Variants in RSPH3 observed in about 807,000 individuals in gnomAD.
The protein encoded by RSPH3 is radial spoke head 3, also known as radial spoke head protein 3 homolog.
A neutral mutation model predicts 43.8 loss-of-function variants in RSPH3; 21 were observed. The observed-to-expected ratio is 0.48, with a 90% confidence interval of 0.34 to 0.69. RSPH3 has a LOEUF of 0.69. Ranked by LOEUF, RSPH3 falls within the 30% of genes least tolerant of loss-of-function variation. The probability of loss-of-function intolerance (pLI) is 0.01; values close to 1 mark genes in which losing one functional copy is unlikely to be tolerated. For synonymous variants in RSPH3, 173 were observed against 179.8 expected, an observed-to-expected ratio of 0.96 and a Z score of 0.30; for missense variants, 487 against 516.0, an observed-to-expected ratio of 0.94 and a Z score of 0.54.
At chr6:158,967,463 T>C in the RSPH3 span, among the ~76,000 whole-genome samples, 6 of 152,226 alleles carry the variant, frequency 3.9e-5, no homozygotes, top group East Asian at 1.9e-4. Flanking sequence ...TTGGAGAACA[T>C]ACATTGTGCA....
rs1396073243 is a variant in RSPH3, at chr6:158,977,225, C to T, written c.*313G>A. The T allele has an allele frequency of 3.6e-6, 1 of 274,616 alleles. No homozygotes were observed. The highest frequency in any genetic ancestry group is 6.7e-6 in the Non-Finnish European group (1 of 148,226). 17.0% of individuals were successfully genotyped at this position (274,616 alleles called of 1,614,324 possible). A position where few individuals can be genotyped will look rare whatever the true frequency, so the allele number is the denominator to read the frequency against. On this transcript the variant is annotated 3_prime_UTR_variant, in exon 8 of 8. Coordinates refer to ENST00000367069, the MANE Select transcript of RSPH3 (RefSeq NM_031924.8). ...TATCATACTTACTAAAAAAAACTAA[C>T]CCGCAAAATTAGAAGGGCTAAGGAA...
chr6:158,981,703 C>T (rs766844681), intron 5 of RSPH3, among the ~76,000 whole-genome samples: 9 of 152,016 alleles, frequency 5.9e-5, no homozygotes, highest in Non-Finnish European at 1.2e-4. Context: ...GAATTAAAGT[C>T]CATTTGATAG....
chr6:158,993,210 T>C (rs6929297), intron 2 of RSPH3, among the ~76,000 whole-genome samples: 34,133 of 151,804 alleles, frequency 0.22, 5,398 homozygotes, highest in East Asian at 0.42. Context: ...TTCTGCCTCC[T>C]GGGTTCAAGC....
At chr6:158,993,557 T>G (rs1778489052) in intron 2 of RSPH3, among the ~76,000 whole-genome samples, 1 of 151,978 alleles carries the variant, frequency 6.6e-6, no homozygotes, top group Non-Finnish European at 1.5e-5. Context: ...GTTCTATCAC[T>G]GTCACCATCC....
chr6:158,965,334 T>C, the RSPH3 span, among the ~76,000 whole-genome samples: 2 of 152,138 alleles, frequency 1.3e-5, no homozygotes, highest in African/African-American at 4.8e-5. Flanking sequence ...TGTTGGGATT[T>C]TGATTGGTAT....
intron 2 of RSPH3, among the ~76,000 whole-genome samples, chr6:158,987,809 A>C (rs1427442339): frequency 6.6e-6 from 1 of 152,168 alleles, no homozygotes; most frequent in African/African-American, 2.4e-5. Context: ...ACATATTTTT[A>C]TATCACCTAC....
At chr6:158,963,420 C>A in the RSPH3 span, among the ~76,000 whole-genome samples, 1 of 96,748 alleles carries the variant, frequency 1.0e-5, no homozygotes, top group Non-Finnish European at 2.0e-5. Flanking sequence ...CCTCCTTCCC[C>A]CTTCCCTTCC....
rs190966805 is a variant in RSPH3 at position 158,979,885 on chromosome 6, A to T, written c.859+889T>A. On this transcript the variant is annotated intron_variant, in intron 6 of 7. Coordinates refer to ENST00000367069, the MANE Select transcript of RSPH3 (RefSeq NM_031924.8). ...AGCTAGGAACGTGGACTTTGAGGGG[A>T]TACAGACAGACAGCTATCAGGCTAT... is the stretch of plus-strand genomic sequence containing the variant. Among the ~76,000 whole-genome samples, 4 of 152,194 alleles carry T rather than the reference A, an allele frequency of 2.6e-5. No homozygotes were observed. In the East Asian group the frequency reaches 7.7e-4, roughly 29 times the overall value.
chr6:158,985,704 C>CCG (rs1210150538), intron 3 of RSPH3, among the ~76,000 whole-genome samples: 1 of 151,884 alleles, frequency 6.6e-6, no homozygotes, highest in Non-Finnish European at 1.5e-5. Context: ...TGTGAGCCAC[C>CCG]GTGCTTGGCC....
chr6:158,972,069 A>C (rs2235824), downstream of RSPH3, among the ~76,000 whole-genome samples: 17,245 of 152,188 alleles, frequency 0.11, 1,711 homozygotes, highest in East Asian at 0.41. Flanking sequence ...ATATGGCAAT[A>C]AAATCATTTT....
rs995608710 is a variant in RSPH3, at chr6:159,000,079, G to C, written c.-529C>G. On this transcript the variant is annotated 5_prime_UTR_variant, in exon 1 of 8. Coordinates refer to ENST00000367069, the MANE Select transcript of RSPH3 (RefSeq NM_031924.8). ...CATTCTCGCAGGCCCACGTGCTCCT[G>C]CTCTTCCAGGGTGTCCTCGGCTGTT... The C allele has an allele frequency of 8.4e-5, 103 of 1,227,980 alleles. 1 individual carries two copies. The highest frequency in any genetic ancestry group is 1.1e-4 in the Non-Finnish European group (102 of 898,130). 76.1% of individuals were successfully genotyped at this position (1,227,980 alleles called of 1,614,324 possible).
At chr6:158,983,446 A>G (rs969783488) in intron 4 of RSPH3, among the ~76,000 whole-genome samples, 18 of 152,246 alleles carry the variant, frequency 1.2e-4, no homozygotes, top group African/African-American at 4.1e-4. Context: ...AATATTTCAA[A>G]TGATTTTGTT....
chr6:158,966,239 A>G, the RSPH3 span, among the ~76,000 whole-genome samples: 3 of 152,122 alleles, frequency 2.0e-5, no homozygotes, highest in East Asian at 3.9e-4. Context: ...TCAGTTTGCT[A>G]GTATTTCACT....
chr6:158,987,188 A>G (rs1778261548), intron 2 of RSPH3, among the ~76,000 whole-genome samples: 1 of 152,164 alleles, frequency 6.6e-6, no homozygotes, highest in Non-Finnish European at 1.5e-5. Flanking sequence ...TATCATTGTT[A>G]CATCCTCTGG....
downstream of RSPH3, among the ~76,000 whole-genome samples, chr6:158,968,337 CA>C (rs1356494050): frequency 6.6e-6 from 1 of 152,048 alleles, no homozygotes; most frequent in Non-Finnish European, 1.5e-5. Flanking sequence ...TGGGTTCAAG[CA>C]ATTCTCCTGC....
Position 158,976,823 on chromosome 6 carries a change from CT to C in RSPH3, c.*714del, listed in dbSNP as rs986967722. ...TTTAGGCATTCTCTCTCTTTTTTTTCTTTTTTTTTTGAGACGGAGTTTTGCT... is the reference window on the plus strand; with the variant it reads ...TTTAGGCATTCTCTCTCTTTTTTTTCTTTTTTTTTGAGACGGAGTTTTGCT... On this transcript the variant is annotated 3_prime_UTR_variant, in exon 8 of 8. Coordinates refer to ENST00000367069, the MANE Select transcript of RSPH3 (RefSeq NM_031924.8). 26 of 146,464 alleles carry C rather than the reference CT, an allele frequency of 1.8e-4. No individual in the cohort carries two copies. The highest frequency in any genetic ancestry group is 4.4e-4 in the South Asian group (2 of 4,568). The allele number at this position is 146,464 out of a possible 1,614,324, so 9.1% of individuals were successfully genotyped here. A position where few individuals can be genotyped will look rare whatever the true frequency, so the allele number is the denominator to read the frequency against.
intron 1 of RSPH3, among the ~76,000 whole-genome samples, chr6:158,997,391 C>T (rs548551531): frequency 1.3e-5 from 2 of 151,684 alleles, no homozygotes; most frequent in South Asian, 4.2e-4. Flanking sequence ...CCTGCGTCAG[C>T]CTCCCAAGTA....
chr6:158,977,887 T>C, intron 7 of RSPH3, 39 bp from the exon 8 acceptor site: 3 of 1,494,350 alleles, frequency 2.0e-6, no homozygotes, highest in Non-Finnish European at 2.7e-6. Context: ...ATGATTTTCA[T>C]ATTATGGTAT....
rs556783606 is a variant in RSPH3, at chr6:158,983,780, C to T, written c.374G>A (p.Arg125His). The T allele has an allele frequency of 3.5e-4, 566 of 1,602,886 alleles. 5 individuals carry two copies. In the South Asian group the frequency reaches 5.5e-3, roughly 16 times the overall value. The change falls in exon 4 of 8, where the codon CGC (arginine) becomes CAC (histidine). Residue 125 changes from arginine (R) to histidine (H), a missense_variant. Transcript: ENST00000367069. ...GCATTCCATATCAACTTCTATTATG[C>T]GATCAGCAATTTCTTCAAGGTATAA... ...TELYLEEIADRIIEVDMECQT... is the reference protein window; with the variant it reads ...TELYLEEIADHIIEVDMECQT...
Sources: gnomAD v4.1 joint callset for allele counts (sites outside exome capture counted in the v4.1 genomes callset) on GRCh38, gnomAD v4.1.1 for gene constraint, MANE v1.5 for transcripts, NCBI Gene and HGNC (gene_info 2026-07-23, HGNC 2026-07-21) for gene names.